IER3IP1: variants seen among roughly 807,000 people sequenced by gnomAD.
IER3IP1 encodes immediate early response 3 interacting protein 1, also known as immediate early response 3-interacting protein 1.
IER3IP1 carries 16 observed loss-of-function variants against 12.2 expected under a neutral mutation model. The observed-to-expected ratio is 1.31, with a 90% confidence interval of 0.89 to 1.99. The LOEUF (loss-of-function observed/expected upper bound fraction) is 1.99, where lower values mean the gene tolerates loss of function less well. IER3IP1 is among the 30% of genes most tolerant of loss of function. The probability of loss-of-function intolerance (pLI) is 0.00; values close to 1 mark genes in which losing one functional copy is unlikely to be tolerated. For missense variants in IER3IP1, 95 were observed against 95.8 expected, an observed-to-expected ratio of 0.99 and a Z score of 0.03; for synonymous variants, 42 against 40.0, an observed-to-expected ratio of 1.05 and a Z score of -0.19.
intron 1 of IER3IP1, among the ~76,000 whole-genome samples, chr18:47,169,885 TCA>T (rs2064009732): frequency 6.6e-6 from 1 of 152,188 alleles, no homozygotes; most frequent in Non-Finnish European, 1.5e-5. Context: ...AAATATTTTA[TCA>T]CAGTCTGTGG....
rs2144418047 is a variant in IER3IP1, at chr18:47,153,244, G to A, written c.*2933C>T. On this transcript the variant is annotated 3_prime_UTR_variant, in exon 3 of 3. Coordinates refer to ENST00000256433, the MANE Select transcript of IER3IP1 (RefSeq NM_016097.5). ...TTAGCTTTTTATTTCAATAGCTTTAGGGGTACAAGTGGTTTCTGGTTACAT... is the reference window on the plus strand; with the variant it reads ...TTAGCTTTTTATTTCAATAGCTTTAAGGGTACAAGTGGTTTCTGGTTACAT... The A allele has an allele frequency of 6.6e-6, 1 of 152,260 alleles. No individual in the cohort carries two copies. Among genetic ancestry groups the A allele is most frequent in the Non-Finnish European group, 1.5e-5 (1 of 68,072 alleles). The allele number at this position is 152,260 out of a possible 1,614,324, so 9.4% of individuals were successfully genotyped here.
intron 1 of IER3IP1, among the ~76,000 whole-genome samples, chr18:47,175,444 C>T (rs142366207): frequency 2.1e-5 from 3 of 141,890 alleles, no homozygotes; most frequent in Non-Finnish European, 3.0e-5. Context: ...CCTTCCCCTC[C>T]ACACCCAACT....
At chr18:47,161,842 A>G (rs2063980920) in intron 1 of IER3IP1, among the ~76,000 whole-genome samples, 1 of 151,670 alleles carries the variant, frequency 6.6e-6, no homozygotes, top group Admixed American at 6.6e-5. Flanking sequence ...GAGAGCCCTA[A>G]GTTTGTTTTC....
chr18:47,167,713 T>C (rs147865421), intron 1 of IER3IP1, among the ~76,000 whole-genome samples: 108 of 152,322 alleles, frequency 7.1e-4, no homozygotes, highest in African/African-American at 2.5e-3. Flanking sequence ...CTTATTATTC[T>C]CCAATTAGCT....
At chr18:47,159,368 CCTTT>C (rs1364526017) in intron 1 of IER3IP1, among the ~76,000 whole-genome samples, 1 of 152,146 alleles carries the variant, frequency 6.6e-6, no homozygotes, top group African/African-American at 2.4e-5. Flanking sequence ...ATATAAAGAA[CCTTT>C]CTTTATTTAC....
chr18:47,165,571 T>C (rs1318278322), intron 1 of IER3IP1, among the ~76,000 whole-genome samples: 13 of 142,088 alleles, frequency 9.1e-5, no homozygotes, highest in Admixed American at 7.8e-4. Context: ...AAAAAAAAGA[T>C]ACATGCAGAA....
chr18:47,166,533 TA>T (rs2063996467), intron 1 of IER3IP1, among the ~76,000 whole-genome samples: 1 of 151,860 alleles, frequency 6.6e-6, no homozygotes, highest in African/African-American at 2.4e-5. Flanking sequence ...TGGGGAAGGA[TA>T]AAAGAGGAGG....
chr18:47,156,789 G>GT (rs1568070371), intron 2 of IER3IP1: 17 of 126,550 alleles, frequency 1.3e-4, no homozygotes, highest in South Asian at 4.9e-4. Context: ...TTTCTTTTCT[G>GT]GTTTTTTTTT....
intron 1 of IER3IP1, among the ~76,000 whole-genome samples, chr18:47,175,851 G>C (rs2064031291): frequency 6.6e-6 from 1 of 151,842 alleles, no homozygotes; most frequent in Non-Finnish European, 1.5e-5. Context: ...CTTCAGCCTG[G>C]GCAAAAGAGC....
chr18:47,170,091 G>C (rs868256034), intron 1 of IER3IP1, among the ~76,000 whole-genome samples: 3 of 151,998 alleles, frequency 2.0e-5, no homozygotes, highest in Non-Finnish European at 2.9e-5. Context: ...ATGATTATGA[G>C]TTAATTTTTG....
chr18:47,176,326 G>GCAAGGGACGTGGCGCCTCCA lies in IER3IP1; in HGVS notation c.-69_-50dup, dbSNP rs1568075840. ...TCCAAGCGATTTCTCTCCCGCCGCC[G>GCAAGGGACGTGGCGCCTCCA]CAAGGGACGTGGCGCCTCCACGGCC... is the stretch of plus-strand genomic sequence containing the variant. On this transcript the variant is annotated 5_prime_UTR_variant, in exon 1 of 3. Transcript: ENST00000256433. 1 of 1,504,692 alleles carries GCAAGGGACGTGGCGCCTCCA rather than the reference G, an allele frequency of 6.6e-7. No homozygotes were observed. Among genetic ancestry groups the GCAAGGGACGTGGCGCCTCCA allele is most frequent in the Non-Finnish European group, 9.1e-7 (1 of 1,101,670 alleles). 93.2% of individuals were successfully genotyped at this position (1,504,692 alleles called of 1,614,324 possible).
At position 47,156,057 on chromosome 18, in the gene IER3IP1, G is replaced by A; in HGVS notation, c.*120C>T. The A allele has an allele frequency of 1.5e-6, 1 of 687,188 alleles. No homozygotes were observed. Among genetic ancestry groups the A allele is most frequent in the Non-Finnish European group, 2.6e-6 (1 of 385,924 alleles). The allele number at this position is 687,188 out of a possible 1,614,324, so 42.6% of individuals were successfully genotyped here. On this transcript the variant is annotated 3_prime_UTR_variant, in exon 3 of 3. Transcript: ENST00000256433. The stretch of plus-strand genomic sequence containing the variant: ...AATAGAAACCCTGGTTTTATTTTCA[G>A]CTTTACATTTTTGACAAGTGCAAGG...
intron 1 of IER3IP1, among the ~76,000 whole-genome samples, chr18:47,161,600 C>T (rs2144427741): frequency 6.6e-6 from 1 of 152,142 alleles, no homozygotes; most frequent in Non-Finnish European, 1.5e-5. Flanking sequence ...TATATCCTAC[C>T]ACACCCTTCC....
intron 1 of IER3IP1, among the ~76,000 whole-genome samples, chr18:47,162,978 A>G (rs1268141780): frequency 1.3e-5 from 2 of 152,088 alleles, no homozygotes; most frequent in Non-Finnish European, 2.9e-5. Context: ...TTGGTTGGAG[A>G]AGGGAGAGTT....
intron 1 of IER3IP1, among the ~76,000 whole-genome samples, chr18:47,174,031 A>C (rs2064023367): frequency 6.6e-6 from 1 of 151,924 alleles, no homozygotes; most frequent in East Asian, 1.9e-4. Context: ...ATCTGCAAAG[A>C]CTCTGTTTCC....
rs1293391265 is a variant in IER3IP1, at chr18:47,154,594, G to C, written c.*1583C>G. The C allele has an allele frequency of 6.6e-6, 1 of 152,150 alleles. No homozygotes were observed. The highest frequency in any genetic ancestry group is 1.5e-5 in the Non-Finnish European group (1 of 68,030). The allele number at this position is 152,150 out of a possible 1,614,324, so 9.4% of individuals were successfully genotyped here. A position where few individuals can be genotyped will look rare whatever the true frequency, so the allele number is the denominator to read the frequency against. On this transcript the variant is annotated 3_prime_UTR_variant, in exon 3 of 3. Coordinates refer to ENST00000256433, the MANE Select transcript of IER3IP1 (RefSeq NM_016097.5). ...CTGCCCTCAAGTAACTGCTTCTTTT[G>C]AATCTTTTCAGTAGCTCAAACTTGA...
chr18:47,156,330 CAA>C, intron 2 of IER3IP1, 98 bp from the exon 3 acceptor site: 1 of 718,028 alleles, frequency 1.4e-6, no homozygotes, highest in Non-Finnish European at 2.5e-6. Context: ...AAATATCTAA[CAA>C]TATGTCATCA....
At chr18:47,159,273 A>G (rs1246888991) in intron 1 of IER3IP1, among the ~76,000 whole-genome samples, 1 of 152,268 alleles carries the variant, frequency 6.6e-6, no homozygotes, top group Non-Finnish European at 1.5e-5. Flanking sequence ...TGACAGATCA[A>G]AAACTACAGT....
chr18:47,166,458 G>A (rs1351076578), intron 1 of IER3IP1, among the ~76,000 whole-genome samples: 1 of 152,102 alleles, frequency 6.6e-6, no homozygotes, highest in African/African-American at 2.4e-5. Context: ...ACTTAAAGGG[G>A]TTAAGTCAAG....
Sources: gnomAD v4.1 joint callset for allele counts (sites outside exome capture counted in the v4.1 genomes callset) on GRCh38, gnomAD v4.1.1 for gene constraint, MANE v1.5 for transcripts, NCBI Gene and HGNC (gene_info 2026-07-23, HGNC 2026-07-21) for gene names.